PRKD3: variants seen among roughly 807,000 people sequenced by gnomAD.
PRKD3 encodes the protein protein kinase D3.
PRKD3 carries 47 observed loss-of-function variants against 99.2 expected under a neutral mutation model. The ratio of observed to expected loss-of-function variants is 0.47; its 90% CI spans 0.38 to 0.60. The LOEUF (loss-of-function observed/expected upper bound fraction) is 0.60. Among genes scored for constraint, PRKD3 ranks in the 20% least tolerant of loss-of-function variants. The pLI is 0.00. For synonymous variants in PRKD3, 392 were observed against 355.4 expected (o/e 1.10, Z -1.16); for missense variants, 1,019 against 1,088.4 (o/e 0.94, Z 0.90).
chr2:37,314,306 G>C (rs893376742), intron 2 of PRKD3, among the ~76,000 whole-genome samples: 1 of 152,098 alleles, frequency 6.6e-6, no homozygotes, highest in Non-Finnish European at 1.5e-5. Context: ...TTACTATATC[G>C]ATTTTATGCT....
At chr2:37,312,066 T>C (rs559039976) in intron 2 of PRKD3, among the ~76,000 whole-genome samples, 2 of 152,328 alleles carry the variant, frequency 1.3e-5, no homozygotes, top group Admixed American at 1.3e-4. Context: ...GTTTTTTTCT[T>C]TTTCCATAAA....
chr2:37,265,060 GAA>G (rs1668745243), intron 14 of PRKD3, among the ~76,000 whole-genome samples: 2 of 152,188 alleles, frequency 1.3e-5, no homozygotes, highest in African/African-American at 2.4e-5. Flanking sequence ...GCATGGGAAA[GAA>G]AAGCTATGGA....
In PRKD3 at chr2:37,316,354, C is replaced by A; in HGVS notation, c.171G>T (p.Val57=). 6.2e-7 allele frequency: 1 copy of A among 1,614,194 alleles called. No homozygotes were observed. Residue 57 remains valine (V), a synonymous_variant, in exon 2 of 19, where the codon GTG becomes GTT. Coordinates refer to ENST00000234179, the MANE Select transcript of PRKD3 (RefSeq NM_005813.6). ...APSLTNSRGS[V]HTVSFLLQIG... ...TTTGCAGTAGAAATGAAACTGTATG[C>A]ACTGAGCCTCTGGAGTTGGTGAGTG...
At chr2:37,278,063 C>A (rs1426347946) in intron 8 of PRKD3, 74 bp from the exon 9 acceptor site, 6 of 1,308,390 alleles carry the variant, frequency 4.6e-6, no homozygotes, top group African/African-American at 3.1e-5. Flanking sequence ...GAACATGAAG[C>A]CTTTTTAAAG....
At chr2:37,297,419 TC>T (rs1670721397) in intron 2 of PRKD3, among the ~76,000 whole-genome samples, 1 of 152,178 alleles carries the variant, frequency 6.6e-6, no homozygotes, top group Admixed American at 6.5e-5. Flanking sequence ...ATACCCAGTT[TC>T]CCCTATTATT....
chr2:37,269,572 T>C (rs1669085487), intron 13 of PRKD3, 43 bp downstream of exon 13: 2 of 1,535,752 alleles, frequency 1.3e-6, no homozygotes, highest in South Asian at 2.2e-5. Context: ...TTTCCAGTTT[T>C]TAAAATAATG....
intron 7 of PRKD3, 75 bp from the exon 8 acceptor site, chr2:37,280,004 G>A: frequency 1.0e-6 from 1 of 1,003,698 alleles, no homozygotes; most frequent in African/African-American, 1.7e-5. Flanking sequence ...AAAGTCTTAA[G>A]AGTCTTAAAA....
chr2:37,262,013 C>T (rs1007868586), intron 14 of PRKD3, among the ~76,000 whole-genome samples: 5 of 152,096 alleles, frequency 3.3e-5, no homozygotes, highest in Admixed American at 1.3e-4. Flanking sequence ...CTAATGTAAG[C>T]GACTGTGCTT....
intron 15 of PRKD3, among the ~76,000 whole-genome samples, chr2:37,259,990 C>T (rs766221957): frequency 9.2e-5 from 14 of 152,006 alleles, no homozygotes; most frequent in Non-Finnish European, 1.6e-4. Flanking sequence ...CACGGTGAAA[C>T]CCCAGCTCTA....
rs1253128397 is a variant in PRKD3 at position 37,317,008 on chromosome 2, A to G, written c.-484T>C. The G allele has an allele frequency of 8.1e-6, 8 of 986,884 alleles. No homozygotes were observed. In the East Asian group the frequency reaches 3.4e-4, roughly 42 times the overall value. The allele number at this position is 986,884 out of a possible 1,614,324, so 61.1% of individuals were successfully genotyped here. On this transcript the variant is annotated 5_prime_UTR_variant, in exon 2 of 19. Transcript: ENST00000234179. ...CTTTGGTTTACTAATTTGATAGGAC[A>G]CCTTCTCAAATGTCCACACCTTAAA...
chr2:37,286,433 C>CTTAA, intron 5 of PRKD3, 64 bp from the exon 6 acceptor site: 1 of 1,342,818 alleles, frequency 7.4e-7, no homozygotes, highest in Non-Finnish European at 1.0e-6. Context: ...GGGAGCAGAG[C>CTTAA]TTAACCACAA....
intron 13 of PRKD3, chr2:37,268,802 G>C (rs1353861809): frequency 3.9e-5 from 6 of 154,426 alleles, no homozygotes; most frequent in Admixed American, 1.9e-4. Flanking sequence ...TCTGAGGCTA[G>C]AGAAGCAGGG....
At chr2:37,256,524 G>T in intron 17 of PRKD3, 138 bp downstream of exon 17, 1 of 1,166,392 alleles carries the variant, frequency 8.6e-7, no homozygotes, top group Non-Finnish European at 1.2e-6. Flanking sequence ...CTGGTAACTA[G>T]TTGAATTTGG....
At chr2:37,304,825 C>T (rs1029203145) in intron 2 of PRKD3, among the ~76,000 whole-genome samples, 46 of 150,998 alleles carry the variant, frequency 3.0e-4, no homozygotes, top group African/African-American at 1.1e-3. Context: ...TGATACCAAC[C>T]AAAGCAATCT....
chr2:37,283,366 A>C (rs923738690), intron 6 of PRKD3, among the ~76,000 whole-genome samples: 1 of 152,030 alleles, frequency 6.6e-6, no homozygotes, highest in Non-Finnish European at 1.5e-5. Context: ...GTCTAATACC[A>C]CCTTTGAAAT....
chr2:37,293,304 A>C, intron 2 of PRKD3, 33 bp from the exon 3 acceptor site: 1 of 1,490,934 alleles, frequency 6.7e-7, no homozygotes, highest in Non-Finnish European at 9.1e-7. Context: ...CAGTATGACC[A>C]CAGTTTTCTA....
intron 2 of PRKD3, among the ~76,000 whole-genome samples, chr2:37,298,980 A>AG (rs145003448): frequency 0.045 from 6,821 of 152,124 alleles, 168 homozygotes; most frequent in African/African-American, 0.052. Context: ...AAGTTGTGAA[A>AG]GTGGGCATCC....
intron 16 of PRKD3, among the ~76,000 whole-genome samples, chr2:37,258,402 T>TA (rs1484551703): frequency 6.6e-6 from 1 of 152,210 alleles, no homozygotes; most frequent in Non-Finnish European, 1.5e-5. Flanking sequence ...AACATCTTGA[T>TA]AAGGTAAAGA....
At chr2:37,266,335 T>C (rs1303037313) in intron 14 of PRKD3, among the ~76,000 whole-genome samples, 1 of 152,240 alleles carries the variant, frequency 6.6e-6, no homozygotes. Context: ...CCATTTTTTG[T>C]TGTTGTTGAG....
Sources: gnomAD v4.1 joint callset for allele counts (sites outside exome capture counted in the v4.1 genomes callset) on GRCh38, gnomAD v4.1.1 for gene constraint, MANE v1.5 for transcripts, NCBI Gene and HGNC (gene_info 2026-07-23, HGNC 2026-07-21) for gene names.